ANK2: variants seen among roughly 807,000 people sequenced by gnomAD.
ANK2 encodes ankyrin 2.
In ANK2, 83 loss-of-function variants were observed where a neutral mutation model predicts 360.5. That is an observed-to-expected ratio of 0.23 (90% CI 0.19 to 0.28). The LOEUF (loss-of-function observed/expected upper bound fraction) is 0.28, where lower values mean the gene tolerates loss of function less well. Among genes scored for constraint, ANK2 ranks in the 10% least tolerant of loss-of-function variants. The pLI is 1.00. For missense variants in ANK2, 4,201 were observed against 4,795.7 expected (o/e 0.88, Z 3.66); for synonymous variants, 1,740 against 1,759.5 (o/e 0.99, Z 0.28).
chr4:112,775,324 G>A, the ANK2 span, among the ~76,000 whole-genome samples: 18 of 152,082 alleles, frequency 1.2e-4, no homozygotes, highest in East Asian at 1.9e-3. Flanking sequence ...TTCGAGACCA[G>A]CCTGGCCAAC....
intron 1 of ANK2, chr4:113,160,391 TG>T (rs1251029485): frequency 2.4e-6 from 1 of 415,828 alleles, no homozygotes; most frequent in East Asian, 8.9e-5. Flanking sequence ...GAAAAACAAA[TG>T]TAATCTTAGG....
At chr4:112,817,310 C>T (rs1273223035), upstream of ANK2, among the ~76,000 whole-genome samples, 1 of 152,098 alleles carries the variant, frequency 6.6e-6, no homozygotes, top group Admixed American at 6.6e-5. Context: ...GAATTAGAAG[C>T]TCTGTAACAA....
At position 112,836,352 on chromosome 4, in the gene ANK2, T is replaced by A. The variant is rs551767210; in HGVS notation, c.-40+18088T>A. Among the ~76,000 whole-genome samples, 14 of 152,292 alleles carry A rather than the reference T, an allele frequency of 9.2e-5. No individual in the cohort carries two copies. In the South Asian group the frequency reaches 2.9e-3, roughly 32 times the overall value. On this transcript the variant is annotated intron_variant, in intron 1 of 30. Transcript: ENST00000503271. Reference sequence around the variant, plus strand: ...CCTCTTTTATTTATAAATTACCCAGTCTCAGGTAGTATCTTTATAGCAGTG... The same window carrying A: ...CCTCTTTTATTTATAAATTACCCAGACTCAGGTAGTATCTTTATAGCAGTG...
chr4:113,382,498 T>C lies in ANK2; in HGVS notation c.*1027T>C, dbSNP rs1167448395. The C allele has an allele frequency of 6.5e-6, 1 of 152,750 alleles. No individual in the cohort carries two copies. Among genetic ancestry groups the C allele is most frequent in the Non-Finnish European group, 1.5e-5 (1 of 68,090 alleles). 9.5% of individuals were successfully genotyped at this position (152,750 alleles called of 1,614,324 possible). Reference sequence around the variant, plus strand: ...ACTGTAGTTTTCCAGTTTTCATTGCTGCTTTAGCAAACCACGCTGTCTTAC... The same window carrying C: ...ACTGTAGTTTTCCAGTTTTCATTGCCGCTTTAGCAAACCACGCTGTCTTAC... On this transcript the variant is annotated 3_prime_UTR_variant, in exon 46 of 46. Transcript: ENST00000357077.
intron 2 of ANK2, among the ~76,000 whole-genome samples, chr4:113,007,218 T>C (rs554715049): frequency 4.6e-5 from 7 of 152,352 alleles, no homozygotes; most frequent in Non-Finnish European, 1.0e-4. Flanking sequence ...GAGTATTTTG[T>C]GCAGCGGTTA....
chr4:113,020,565 C>T (rs907597027), intron 2 of ANK2, among the ~76,000 whole-genome samples: 1 of 152,084 alleles, frequency 6.6e-6, no homozygotes, highest in Non-Finnish European at 1.5e-5. Flanking sequence ...CGCTGGCTCA[C>T]GCCTGTAATC....
At chr4:112,812,164 T>C in the ANK2 span, among the ~76,000 whole-genome samples, 1 of 149,862 alleles carries the variant, frequency 6.7e-6, no homozygotes, top group South Asian at 2.1e-4. Context: ...AACTCTCGAC[T>C]AATTTTCGTG....
chr4:113,373,166 T>C lies in ANK2; in HGVS notation c.11687T>C (p.Val3896Ala). The C allele has an allele frequency of 6.2e-7, 1 of 1,614,020 alleles. No individual in the cohort carries two copies. Among genetic ancestry groups the C allele is most frequent in the Non-Finnish European group, 8.5e-7 (1 of 1,179,884 alleles). The change falls in exon 44 of 46, where the codon GTA becomes GCA. Residue 3896 changes from valine to alanine, a missense_variant. Around this residue, in one of 4 missense-constraint regions of ANK2, gnomAD observed 2,642 missense variants for 2,714.5 expected, o/e 0.97. Transcript: ENST00000357077. ...EYIDEHGHTV[V>A]KKVTRKIIRR... ...ATTGATGAGCATGGACACACCGTGGTAAAGAAGGTATTGTCTAGTATATCC... is the reference window on the plus strand; with the variant it reads ...ATTGATGAGCATGGACACACCGTGGCAAAGAAGGTATTGTCTAGTATATCC...
chr4:113,085,746 T>C (rs1049644173), intron 1 of ANK2, among the ~76,000 whole-genome samples: 5 of 152,188 alleles, frequency 3.3e-5, no homozygotes, highest in African/African-American at 1.2e-4. Flanking sequence ...GGAACCTGGC[T>C]GGGAACACAT....
the ANK2 span, among the ~76,000 whole-genome samples, chr4:112,733,230 T>C: frequency 2.6e-5 from 4 of 151,278 alleles, no homozygotes; most frequent in South Asian, 8.3e-4. Flanking sequence ...ATAATAATAA[T>C]AATACATAAA....
chr4:113,106,959 T>C (rs747751976), intron 1 of ANK2: 1 of 527,520 alleles, frequency 1.9e-6, no homozygotes, highest in South Asian at 1.4e-5. Context: ...AAGAACCTAT[T>C]ACAGAGACTT....
At chr4:113,330,188 C>T (rs2091988208) in intron 26 of ANK2, 58 bp from the exon 27 acceptor site, 2 of 1,508,062 alleles carry the variant, frequency 1.3e-6, no homozygotes. Context: ...CTTGACAAAG[C>T]TTGTTCATCT....
intron 2 of ANK2, among the ~76,000 whole-genome samples, chr4:112,921,369 GTTTC>G (rs2091452398): frequency 2.1e-5 from 3 of 140,796 alleles, no homozygotes; most frequent in Non-Finnish European, 3.0e-5. Flanking sequence ...TCTGCATTAG[GTTTC>G]TTTAAGTTTT....
At position 113,334,561 on chromosome 4, in the gene ANK2, GATTA is replaced by G. The variant is rs1042067975; in HGVS notation, c.3380-1278_3380-1275del. ...TTAATCTATTACTAGAAAGTTAATA[GATTA>G]ATTAATCTATTACTAGAAAGTTAAT... On this transcript the variant is annotated intron_variant, in intron 29 of 45. Coordinates refer to ENST00000357077, the MANE Select transcript of ANK2 (RefSeq NM_001148.6). Among the ~76,000 whole-genome samples, 12 of 148,532 alleles carry G rather than the reference GATTA, an allele frequency of 8.1e-5. No homozygotes were observed. In the South Asian group the frequency reaches 8.6e-4, roughly 11 times the overall value.
intron 2 of ANK2, among the ~76,000 whole-genome samples, chr4:113,016,955 C>T (rs2056810256): frequency 6.6e-6 from 1 of 152,168 alleles, no homozygotes; most frequent in African/African-American, 2.4e-5. Context: ...GCCTGAATAC[C>T]TTCTCCAGCA....
At chr4:113,239,368 C>CAACTCAATAGAAAA (rs2099407617) in intron 7 of ANK2, among the ~76,000 whole-genome samples, 2 of 150,752 alleles carry the variant, frequency 1.3e-5, no homozygotes, top group Non-Finnish European at 2.9e-5. Flanking sequence ...GCCTATAGAT[C>CAACTCAATAGAAAA]AACTCAATAG....
At chr4:112,807,305 T>G in the ANK2 span, among the ~76,000 whole-genome samples, 1 of 152,230 alleles carries the variant, frequency 6.6e-6, no homozygotes, top group East Asian at 1.9e-4. Flanking sequence ...GAATAAGATT[T>G]CATATTGTTT....
At chr4:113,149,727 T>C (rs2096965826) in intron 1 of ANK2, among the ~76,000 whole-genome samples, 1 of 151,048 alleles carries the variant, frequency 6.6e-6, no homozygotes. Flanking sequence ...AATACAAAAA[T>C]TAGCTGGGTG....
intron 15 of ANK2, 29 bp downstream of exon 15, chr4:113,274,678 G>A (rs2059605129): frequency 6.2e-7 from 1 of 1,610,180 alleles, no homozygotes; most frequent in African/African-American, 1.3e-5. Context: ...TGAGAACATG[G>A]ACCAAGAGGA....
Sources: gnomAD v4.1 joint callset for allele counts (sites outside exome capture counted in the v4.1 genomes callset) on GRCh38, gnomAD v4.1.1 for gene constraint, gnomAD v4.1.1 regional missense constraint, MANE v1.5 for transcripts, NCBI Gene and HGNC (gene_info 2026-07-23, HGNC 2026-07-21) for gene names.